ZNF280D: variants seen among roughly 807,000 people sequenced by gnomAD.
ZNF280D encodes zinc finger protein 280D.
In ZNF280D, 39 loss-of-function variants were observed where a neutral mutation model predicts 94.7. That is an observed-to-expected ratio of 0.41 (90% CI 0.32 to 0.54). The LOEUF (loss-of-function observed/expected upper bound fraction) is 0.54, where lower values mean the gene tolerates loss of function less well. Among genes scored for constraint, ZNF280D ranks in the 20% least tolerant of loss-of-function variants. ZNF280D has a pLI of 0.22. For synonymous variants in ZNF280D, 398 were observed against 377.6 expected (o/e 1.05, Z -0.63); for missense variants, 1,090 against 1,149.3 (o/e 0.95, Z 0.75).
At chr15:56,688,010 A>C (rs529747136) in intron 9 of ZNF280D, among the ~76,000 whole-genome samples, 1 of 151,730 alleles carries the variant, frequency 6.6e-6, no homozygotes, top group South Asian at 2.1e-4. Context: ...TCTTTTCCTT[A>C]TATAATCTAC....
intron 20 of ZNF280D, among the ~76,000 whole-genome samples, chr15:56,642,256 G>A (rs936552756): frequency 2.0e-5 from 3 of 151,776 alleles, no homozygotes; most frequent in Non-Finnish European, 4.4e-5. Context: ...TGGTACAAAA[G>A]AAAGCTGCTT....
At chr15:56,694,629 T>C (rs2056637566) in intron 6 of ZNF280D, among the ~76,000 whole-genome samples, 1 of 152,202 alleles carries the variant, frequency 6.6e-6, no homozygotes, top group South Asian at 2.1e-4. Flanking sequence ...AACTAATGAA[T>C]TGGCATGTTA....
At chr15:56,642,568 T>C (rs1596331639) in intron 20 of ZNF280D, among the ~76,000 whole-genome samples, 1 of 151,742 alleles carries the variant, frequency 6.6e-6, no homozygotes, top group Non-Finnish European at 1.5e-5. Context: ...ATTTTAAAAA[T>C]TAGTTTAACC....
intron 19 of ZNF280D, among the ~76,000 whole-genome samples, chr15:56,648,096 C>T (rs2053002217): frequency 6.6e-6 from 1 of 152,038 alleles, no homozygotes; most frequent in African/African-American, 2.4e-5. Context: ...TTCAAATTTC[C>T]ACTGCACTGC....
chr15:56,652,784 T>C, intron 19 of ZNF280D: 1 of 984,972 alleles, frequency 1.0e-6, no homozygotes, highest in Non-Finnish European at 1.2e-6. Flanking sequence ...TAAGGTAATA[T>C]TAATAATAAT....
intron 9 of ZNF280D, 30 bp from the exon 10 acceptor site, chr15:56,682,507 A>T (rs991937903): frequency 1.5e-6 from 2 of 1,315,146 alleles, no homozygotes; most frequent in Non-Finnish European, 2.1e-6. Context: ...AAAAAAAACA[A>T]GCCTTACTTA....
chr15:56,645,620 C>A (rs2052846151), intron 19 of ZNF280D, among the ~76,000 whole-genome samples: 1 of 152,128 alleles, frequency 6.6e-6, no homozygotes, highest in South Asian at 2.1e-4. Context: ...GATCTCGGCT[C>A]ACTGCAACCT....
chr15:56,691,540 T>G (rs1158715470), intron 7 of ZNF280D, among the ~76,000 whole-genome samples: 1 of 152,192 alleles, frequency 6.6e-6, no homozygotes, highest in Non-Finnish European at 1.5e-5. Flanking sequence ...TAAATTTTGA[T>G]GCTTTAACTT....
intron 1 of ZNF280D, 34 bp downstream of exon 1, chr15:56,733,424 A>G (rs2059005414): frequency 9.7e-7 from 1 of 1,035,718 alleles, no homozygotes; most frequent in Non-Finnish European, 1.2e-6. Context: ...TGCCTGCTGC[A>G]GCGCAGGGCG....
At chr15:56,669,915 T>TATATATATATATA (rs2054637820) in intron 13 of ZNF280D, among the ~76,000 whole-genome samples, 1 of 2,304 alleles carries the variant, frequency 4.3e-4, no homozygotes, top group Non-Finnish European at 8.8e-4. Context: ...ATATATATAT[T>TATATATATATATA]ATATATATAT....
intron 19 of ZNF280D, among the ~76,000 whole-genome samples, chr15:56,644,332 A>T (rs2052775462): frequency 6.6e-6 from 1 of 152,130 alleles, no homozygotes; most frequent in Non-Finnish European, 1.5e-5. Flanking sequence ...TCAAGTATAC[A>T]GTATAACTTC....
intron 14 of ZNF280D, chr15:56,668,364 T>C (rs2054438564): frequency 3.1e-6 from 1 of 319,928 alleles, no homozygotes; most frequent in South Asian, 2.4e-5. Context: ...TATCCAGCAG[T>C]AGAACTTGCT....
At chr15:56,660,839 C>G (rs904064649) in intron 16 of ZNF280D, among the ~76,000 whole-genome samples, 1 of 151,968 alleles carries the variant, frequency 6.6e-6, no homozygotes, top group South Asian at 2.1e-4. Context: ...AATCTTGATT[C>G]CACATAAGTA....
intron 13 of ZNF280D, among the ~76,000 whole-genome samples, chr15:56,675,370 G>A (rs2055149227): frequency 6.6e-6 from 1 of 151,640 alleles, no homozygotes; most frequent in Admixed American, 6.6e-5. Flanking sequence ...GAAATACGGG[G>A]TATCAAGAAT....
chr15:56,657,267 T>C (rs1172865689), intron 17 of ZNF280D, among the ~76,000 whole-genome samples: 1 of 152,134 alleles, frequency 6.6e-6, no homozygotes, highest in African/African-American at 2.4e-5. Flanking sequence ...TCAACAGTTC[T>C]TTCAGTATAG....
chr15:56,662,305 A>C (rs1374084008), intron 16 of ZNF280D, among the ~76,000 whole-genome samples: 1 of 152,218 alleles, frequency 6.6e-6, no homozygotes, highest in Non-Finnish European at 1.5e-5. Context: ...AAAAAAATTA[A>C]AAATTACACA....
chr15:56,709,397 T>C (rs1275149853), intron 1 of ZNF280D, among the ~76,000 whole-genome samples: 1 of 151,244 alleles, frequency 6.6e-6, no homozygotes, highest in Non-Finnish European at 1.5e-5. Context: ...AGGAACACTT[T>C]TACACTGTTG....
intron 21 of ZNF280D, among the ~76,000 whole-genome samples, chr15:56,634,390 C>T (rs4448877): frequency 0.99 from 150,915 of 152,276 alleles, 74,805 homozygotes; most frequent in Middle Eastern, 1. Flanking sequence ...CAGAGATGAC[C>T]AGTCCGCATT....
chr15:56,672,332 T>C (rs1272922497), intron 13 of ZNF280D, among the ~76,000 whole-genome samples: 2 of 152,132 alleles, frequency 1.3e-5, no homozygotes, highest in Non-Finnish European at 2.9e-5. Context: ...TATATGGCTC[T>C]TATTATTTTG....
Sources: allele counts gnomAD v4.1 joint callset (sites outside exome capture counted in the v4.1 genomes callset), GRCh38; gene constraint gnomAD v4.1.1; transcripts MANE v1.5; gene names NCBI Gene and HGNC (gene_info 2026-07-23, HGNC 2026-07-21).